The following C5orf34 variants were observed in gnomAD, a reference collection of about 807,000 sequenced individuals.
C5orf34 encodes chromosome 5 open reading frame 34.
In C5orf34, 73 loss-of-function variants were observed where a neutral mutation model predicts 78.4. That is an observed-to-expected ratio of 0.93 (90% CI 0.77 to 1.13). C5orf34 has a LOEUF of 1.13. Ranked by LOEUF, C5orf34 falls within the 50% of genes most tolerant of loss-of-function variation. The probability of loss-of-function intolerance (pLI) is 0.00; values close to 1 mark genes in which losing one functional copy is unlikely to be tolerated. For missense variants in C5orf34, 730 were observed against 732.7 expected (o/e 1.00, Z 0.04); for synonymous variants, 251 against 246.6 (o/e 1.02, Z -0.17).
intron 5 of C5orf34, 111 bp from the exon 6 acceptor site, chr5:43,502,606 C>T: frequency 3.0e-6 from 2 of 668,240 alleles, no homozygotes; most frequent in East Asian, 2.6e-5. Context: ...ACAACACAGT[C>T]TTTTTGCCTG....
Position 43,505,638 on chromosome 5 carries a change from T to C in C5orf34, c.932+110A>G. On this transcript the variant is annotated intron_variant, in intron 4 of 12. Coordinates refer to ENST00000306862, the MANE Select transcript of C5orf34 (RefSeq NM_198566.4). ...TTTACTATCAGTTAAAAGCAAAATT[T>C]TGGATGAGATAAACTTTCCTTGTGA... 2.5e-6 allele frequency: 3 copies of C among 1,194,104 alleles called. 1 individual carries two copies. The highest frequency in any genetic ancestry group is 3.5e-6 in the Non-Finnish European group (3 of 867,282). The allele number at this position is 1,194,104 out of a possible 1,614,324, so 74.0% of individuals were successfully genotyped here.
rs757703128 is a variant in C5orf34, at chr5:43,487,906, T to A, written c.1720+3A>T. On this transcript the variant is annotated splice_donor_region_variant and intron_variant, in intron 12 of 12. Transcript: ENST00000306862. ...AGGACAGTGCATTCTGTTTAAAGGA[T>A]ACAGTTAAACTTCTGTATCTTTTCA... The A allele has an allele frequency of 3.0e-5, 48 of 1,601,168 alleles. No individual in the cohort carries two copies. The South Asian group carries it at 3.7e-4, about 12-fold the overall frequency.
At chr5:43,495,973 G>C in intron 6 of C5orf34, 1 of 1,591,068 alleles carries the variant, frequency 6.3e-7, no homozygotes, top group East Asian at 2.2e-5. Flanking sequence ...TCTTCTGGCT[G>C]TAGGGTGGCT....
Position 43,506,278 on chromosome 5 carries a change from G to C in C5orf34, c.402C>G (p.Leu134=). 6.2e-7 allele frequency: 1 copy of C among 1,614,168 alleles called. No homozygotes were observed. The highest frequency in any genetic ancestry group is 1.1e-5 in the South Asian group (1 of 91,084). ...ATTCATGCTGAGATCTGGGCAGGCA[G>C]AGGTATGCATGACCATCTAAAGATG... ...KITSLDGHAY[L]CLPRSQHEFT... The change falls in exon 4 of 13, where the codon CTC becomes CTG. Residue 134 remains leucine (L), a synonymous_variant. Transcript: ENST00000306862.
chr5:43,496,650 C>T (rs561886255), intron 6 of C5orf34, among the ~76,000 whole-genome samples: 5 of 140,226 alleles, frequency 3.6e-5, no homozygotes, highest in Admixed American at 7.3e-5. Context: ...AGTACAGTGG[C>T]GCAATTACAG....
chr5:43,508,079 GA>G (rs58637292), intron 3 of C5orf34, among the ~76,000 whole-genome samples: 61,601 of 107,662 alleles, frequency 0.57, 14,931 homozygotes, highest in East Asian at 0.9. Flanking sequence ...CTCCGTCTCA[GA>G]AAAAAAAAAA....
chr5:43,510,612 C>G (rs1244653455), intron 1 of C5orf34, among the ~76,000 whole-genome samples: 1 of 152,164 alleles, frequency 6.6e-6, no homozygotes, highest in Non-Finnish European at 1.5e-5. Context: ...GACTGGTTTT[C>G]ATATTTTTTT....
At chr5:43,490,524 CTA>C in intron 11 of C5orf34, 105 bp downstream of exon 11, 1 of 688,298 alleles carries the variant, frequency 1.5e-6, no homozygotes, top group Non-Finnish European at 2.5e-6. Flanking sequence ...ATATTCAAAA[CTA>C]AGAAAGTTTT....
rs748078749 is a variant in C5orf34, at chr5:43,506,243, T to C, written c.437A>G (p.His146Arg). 7.4e-6 allele frequency: 12 copies of C among 1,614,090 alleles called. No individual in the cohort carries two copies. The Admixed American group carries it at 2.0e-4, about 27-fold the overall frequency. ...LPRSQHEFTVHFLCKVSQKSD... is the reference protein window; with the variant it reads ...LPRSQHEFTVRFLCKVSQKSD... ...CTTCTGGCTAACTTTACACAAAAAA[T>C]GTACTGTAAATTCATGCTGAGATCT... Residue 146 changes from histidine to arginine, a missense_variant, in exon 4 of 13, where the codon CAT becomes CGT. Transcript: ENST00000306862.
At chr5:43,492,063 C>T (rs1024359808) in intron 10 of C5orf34, 152 bp downstream of exon 10, 136 of 397,340 alleles carry the variant, frequency 3.4e-4, no homozygotes, top group Middle Eastern at 7.4e-4. Flanking sequence ...AACACAAGTA[C>T]AGCTATCAAC....
At chr5:43,505,688 A>G (rs572085895) in intron 4 of C5orf34, 60 bp downstream of exon 4, 2 of 1,438,420 alleles carry the variant, frequency 1.4e-6, no homozygotes, top group South Asian at 1.7e-5. Flanking sequence ...AAAGAAAATT[A>G]TCCAGGTTAA....
chr5:43,498,877 G>A (rs755731732), intron 6 of C5orf34, among the ~76,000 whole-genome samples: 76 of 152,114 alleles, frequency 5.0e-4, no homozygotes, highest in Non-Finnish European at 6.5e-4. Flanking sequence ...TTCTTCTCTG[G>A]ACATTTCCCC....
Position 43,509,146 on chromosome 5 carries a change from C to T in C5orf34, c.194G>A (p.Arg65Lys). The T allele has an allele frequency of 1.2e-6, 2 of 1,610,290 alleles. No individual in the cohort carries two copies. The highest frequency in any genetic ancestry group is 1.7e-6 in the Non-Finnish European group (2 of 1,178,214). The change falls in exon 2 of 13, where the codon AGA (arginine) becomes AAA (lysine). Residue 65 changes from arginine to lysine, a missense_variant and splice_region_variant. By Grantham distance (26) the Arg-to-Lys change is conservative. Coordinates refer to ENST00000306862, the MANE Select transcript of C5orf34 (RefSeq NM_198566.4). ...QRTHFVISTYREQLQRALDFR... is the reference protein window; with the variant it reads ...QRTHFVISTYKEQLQRALDFR... ...TGTTTACGTGATATCTTTACTTACT[C>T]TGTAAGTGCTAATGACAAAATGTGT...
At chr5:43,504,266 C>A (rs1159077299) in intron 4 of C5orf34, among the ~76,000 whole-genome samples, 1 of 148,962 alleles carries the variant, frequency 6.7e-6, no homozygotes, top group African/African-American at 2.5e-5. Flanking sequence ...GAGATCGCGC[C>A]AGCCTGGGTG....
rs767962675 is a variant in C5orf34, at chr5:43,508,648, G to A, written c.214C>T (p.Leu72=). 1 of 1,604,576 alleles carries A rather than the reference G, an allele frequency of 6.2e-7. No individual in the cohort carries two copies. Among genetic ancestry groups the A allele is most frequent in the African/African-American group, 1.3e-5 (1 of 74,826 alleles). ...GTAGCTGAAGAGTTTCGAAAATCTA[G>A]GGCTCGCTGTAGTTGCTCCTATGAA... ...STYREQLQRA[L]DFRNSSATCP... Residue 72 remains leucine (L), a synonymous_variant, in exon 3 of 13, where the codon CTA becomes TTA. Transcript: ENST00000306862.
chr5:43,508,155 G>C (rs1746073630), intron 3 of C5orf34, among the ~76,000 whole-genome samples: 1 of 151,490 alleles, frequency 6.6e-6, no homozygotes, highest in African/African-American at 2.4e-5. Flanking sequence ...ATTTTGATCA[G>C]TATGGTGTTA....
rs890489940 is a variant in C5orf34, at chr5:43,495,167, G to C, written c.1153-566C>G. ...TGCTTTGATGACACCCACCGCAACT[G>C]TCTGTCTCATATCACGAACAGCAAA... On this transcript the variant is annotated intron_variant, in intron 6 of 12. Coordinates refer to ENST00000306862, the MANE Select transcript of C5orf34 (RefSeq NM_198566.4). 40 of 1,609,798 alleles carry C rather than the reference G, an allele frequency of 2.5e-5. No homozygotes were observed. In the African/African-American group the frequency reaches 4.3e-4, roughly 17 times the overall value.
At chr5:43,512,613 A>G (rs2112343878) in intron 1 of C5orf34, among the ~76,000 whole-genome samples, 1 of 152,232 alleles carries the variant, frequency 6.6e-6, no homozygotes, top group African/African-American at 2.4e-5. Flanking sequence ...GGGCTGCCAC[A>G]GTTTTCTTCT....
chr5:43,511,639 T>G (rs1746265557), intron 1 of C5orf34, among the ~76,000 whole-genome samples: 1 of 152,196 alleles, frequency 6.6e-6, no homozygotes, highest in African/African-American at 2.4e-5. Flanking sequence ...GCTGTGTCCG[T>G]GTAGAAAGAA....
Sources: allele counts gnomAD v4.1 joint callset (sites outside exome capture counted in the v4.1 genomes callset), GRCh38; gene constraint gnomAD v4.1.1; transcripts MANE v1.5; gene names NCBI Gene and HGNC (gene_info 2026-07-23, HGNC 2026-07-21).